Variants in MYPN observed in about 807,000 individuals in gnomAD.
MYPN encodes the protein sarcomeric protein myopalladin, 145 kDa (MYOP).
MYPN carries 63 observed loss-of-function variants against 129.4 expected under a neutral mutation model. That is an observed-to-expected ratio of 0.49 (90% confidence interval 0.40 to 0.60). The LOEUF is 0.60. MYPN is among the 20% of genes least tolerant of loss of function. The pLI is 0.00. For missense variants in MYPN, 1,596 were observed against 1,635.4 expected (o/e 0.98, Z 0.42); for synonymous variants, 629 against 600.9 (o/e 1.05, Z -0.68).
chr10:68,192,075 G>T (rs548510868), intron 13 of MYPN, among the ~76,000 whole-genome samples: 2 of 152,218 alleles, frequency 1.3e-5, no homozygotes, highest in South Asian at 2.1e-4. Flanking sequence ...TCTTTGTCTT[G>T]TTCCTGATGT....
intron 1 of MYPN, among the ~76,000 whole-genome samples, chr10:68,093,836 A>G (rs1171778306): frequency 1.3e-5 from 2 of 152,142 alleles, no homozygotes; most frequent in Non-Finnish European, 2.9e-5. Context: ...CTGAGTATAC[A>G]TATTGTTGCT....
chr10:68,176,990 G>A (rs1320773929), intron 12 of MYPN, among the ~76,000 whole-genome samples: 1 of 152,178 alleles, frequency 6.6e-6, no homozygotes, highest in Non-Finnish European at 1.5e-5. Flanking sequence ...TGTAATTATA[G>A]CTGTATTCAG....
At chr10:68,090,667 G>A (rs1287823747) in intron 1 of MYPN, among the ~76,000 whole-genome samples, 1 of 152,106 alleles carries the variant, frequency 6.6e-6, no homozygotes, top group Non-Finnish European at 1.5e-5. Context: ...TACATCTCCA[G>A]ACTAGGAATG....
chr10:68,189,269 A>G, intron 13 of MYPN, 143 bp downstream of exon 13: 1 of 681,712 alleles, frequency 1.5e-6, no homozygotes, highest in South Asian at 1.7e-5. Context: ...GTTTTAGGGT[A>G]TATGCAATAT....
chr10:68,143,173 A>G, intron 3 of MYPN, 58 bp downstream of exon 3: 2 of 1,531,044 alleles, frequency 1.3e-6, no homozygotes, highest in Non-Finnish European at 1.8e-6. Flanking sequence ...AGTTATAATA[A>G]ATAAATATTT....
chr10:68,210,514 C>A lies in MYPN; in HGVS notation c.*59C>A. ...ACTGTGGAGGGGGAATGAGAACAAGCCAGACTTGGTGGTTTCCAAGCAACC... is the reference window on the plus strand; with the variant it reads ...ACTGTGGAGGGGGAATGAGAACAAGACAGACTTGGTGGTTTCCAAGCAACC... On this transcript the variant is annotated 3_prime_UTR_variant, in exon 20 of 20. Coordinates refer to ENST00000358913, the MANE Select transcript of MYPN (RefSeq NM_032578.4). 2 of 1,600,052 alleles carry A rather than the reference C, an allele frequency of 1.2e-6. No individual in the cohort carries two copies. The highest frequency in any genetic ancestry group is 1.7e-6 in the Non-Finnish European group (2 of 1,171,536).
At chr10:68,122,837 G>GGTTGC (rs1453964921) in intron 2 of MYPN, among the ~76,000 whole-genome samples, 36 of 152,052 alleles carry the variant, frequency 2.4e-4, no homozygotes, top group African/African-American at 8.5e-4. Flanking sequence ...GGGAGACGGA[G>GGTTGC]GTTGCGGTGA....
chr10:68,198,539 T>C (rs559734795), intron 16 of MYPN, among the ~76,000 whole-genome samples: 2 of 152,312 alleles, frequency 1.3e-5, no homozygotes, highest in East Asian at 3.9e-4. Context: ...TCTGTGGTTC[T>C]TCTTCTCTCT....
At chr10:68,188,055 G>GC (rs1487752784) in intron 12 of MYPN, among the ~76,000 whole-genome samples, 3 of 150,060 alleles carry the variant, frequency 2.0e-5, no homozygotes, top group Non-Finnish European at 4.5e-5. Context: ...TTGTTGTGAG[G>GC]GGGGCAGAGA....
rs776901756 is a variant in MYPN, at chr10:68,121,694, G to C, written c.256G>C (p.Asp86His). The change falls in exon 2 of 20, where the codon GAC becomes CAC. Residue 86 changes from aspartate to histidine, a missense_variant. Transcript: ENST00000358913. ...TTTGGCAAGACTGGCCATCAATTAC[G>C]ACCCTTTGGAGAAGGCAGATGAAAC... ...VNLARLAINY[D>H]PLEKADETQA... The C allele has an allele frequency of 6.2e-7, 1 of 1,614,156 alleles. No homozygotes were observed. Among genetic ancestry groups the C allele is most frequent in the Non-Finnish European group, 8.5e-7 (1 of 1,180,026 alleles).
At chr10:68,164,159 G>C (rs954959084) in intron 8 of MYPN, among the ~76,000 whole-genome samples, 1 of 152,180 alleles carries the variant, frequency 6.6e-6, no homozygotes, top group Non-Finnish European at 1.5e-5. Context: ...TTTTAATAAA[G>C]AACAGGGATT....
At chr10:68,175,207 C>T (rs766336612) in intron 11 of MYPN, 116 bp from the exon 12 acceptor site, 21 of 1,109,738 alleles carry the variant, frequency 1.9e-5, no homozygotes, top group Non-Finnish European at 2.7e-5. Context: ...GCTTAATTCC[C>T]TAAGTGCCTA....
chr10:68,149,548 C>G (rs1224166370), intron 5 of MYPN, among the ~76,000 whole-genome samples: 1 of 152,180 alleles, frequency 6.6e-6, no homozygotes, highest in Non-Finnish European at 1.5e-5. Context: ...ATCCTCCCGC[C>G]TCAGCCTCCC....
chr10:68,127,319 C>CTTTTTTTTTT (rs71470508), intron 2 of MYPN, among the ~76,000 whole-genome samples: 2 of 72,540 alleles, frequency 2.8e-5, no homozygotes, highest in Non-Finnish European at 4.8e-5. Flanking sequence ...ACACATATAT[C>CTTTTTTTTTT]TTTTTTTTTT....
rs747484019 is a variant in MYPN at position 68,189,036 on chromosome 10, C to T, written c.2835C>T (p.Pro945=). The stretch of plus-strand genomic sequence containing the variant: ...TCCCCACGGGCAAGTGTATTGCTCC[C>T]ATCTTTGACAAGAGACTCAAGCACT... ...DEIPTGKCIA[P]IFDKRLKHFR... is the part of the protein sequence containing the mutation. Residue 945 remains proline (P), a synonymous_variant, in exon 13 of 20, where the codon CCC becomes CCT. Transcript: ENST00000358913. The T allele has an allele frequency of 6.2e-7, 1 of 1,614,106 alleles. No homozygotes were observed. Among genetic ancestry groups the T allele is most frequent in the South Asian group, 1.1e-5 (1 of 91,068 alleles).
upstream of MYPN, among the ~76,000 whole-genome samples, chr10:68,105,155 G>A (rs532736943): frequency 1.2e-4 from 18 of 152,278 alleles, no homozygotes; most frequent in Admixed American, 4.6e-4. Context: ...TTGAATATTT[G>A]CAGTGGTTAT....
chr10:68,165,057 T>A (rs543498585), intron 8 of MYPN, among the ~76,000 whole-genome samples: 9 of 152,376 alleles, frequency 5.9e-5, no homozygotes, highest in African/African-American at 1.9e-4. Flanking sequence ...TCCTAATTTG[T>A]TTTTGTGATT....
rs541190360 is a variant in MYPN at position 68,124,364 on chromosome 10, G to T, written c.902+2024G>T. ...AACTACCTGATTATTACTAGAATAT[G>T]ATTTCATTACTATTTAACATTTATT... is the stretch of plus-strand genomic sequence containing the variant. On this transcript the variant is annotated intron_variant, in intron 2 of 19. Coordinates refer to ENST00000358913, the MANE Select transcript of MYPN (RefSeq NM_032578.4). 3.9e-5 allele frequency among the ~76,000 whole-genome samples: 6 copies of T among 152,310 alleles called. No homozygotes were observed. In the East Asian group the frequency reaches 1.2e-3, roughly 29 times the overall value.
chr10:68,170,758 T>G (rs570763359), intron 10 of MYPN, among the ~76,000 whole-genome samples: 1 of 152,190 alleles, frequency 6.6e-6, no homozygotes, highest in Non-Finnish European at 1.5e-5. Context: ...GTGGAGCTTT[T>G]AAAAAACATT....
Sources: gnomAD v4.1 joint callset for allele counts (sites outside exome capture counted in the v4.1 genomes callset) on GRCh38, gnomAD v4.1.1 for gene constraint, MANE v1.5 for transcripts, NCBI Gene and HGNC (gene_info 2026-07-23, HGNC 2026-07-21) for gene names.